GLRA1: variants seen among roughly 807,000 people sequenced by gnomAD.
GLRA1 encodes glycine receptor alpha 1, also known as glycine receptor subunit alpha-1.
GLRA1 carries 37 observed loss-of-function variants against 48.3 expected under a neutral mutation model. The observed-to-expected ratio is 0.77, with a 90% CI of 0.59 to 1.01. GLRA1 has a LOEUF of 1.01. Ranked by LOEUF, GLRA1 falls within the 50% of genes least tolerant of loss-of-function variation. GLRA1 has a pLI of 0.00. For synonymous variants in GLRA1, 196 were observed against 210.7 expected, an observed-to-expected ratio of 0.93 and a Z score of 0.60; for missense variants, 427 against 571.0, an observed-to-expected ratio of 0.75 and a Z score of 2.57.
At chr5:151,868,024 G>T (rs528329481) in intron 3 of GLRA1, among the ~76,000 whole-genome samples, 1 of 152,166 alleles carries the variant, frequency 6.6e-6, no homozygotes, top group South Asian at 2.1e-4. Context: ...CAATCCAGTT[G>T]GGAGGTAATA....
intron 3 of GLRA1, among the ~76,000 whole-genome samples, chr5:151,869,786 G>A (rs925451778): frequency 6.7e-6 from 1 of 149,576 alleles, no homozygotes; most frequent in Non-Finnish European, 1.5e-5. Context: ...TAGCATACTG[G>A]GCATTATTAT....
intron 7 of GLRA1, among the ~76,000 whole-genome samples, chr5:151,846,111 G>A (rs1329243411): frequency 1.3e-5 from 2 of 152,174 alleles, no homozygotes; most frequent in African/African-American, 4.8e-5. Context: ...CTTTCTGGGT[G>A]ATGAAAATGT....
Position 151,886,050 on chromosome 5 carries a change from T to C in GLRA1, c.252+671A>G, listed in dbSNP as rs533764020. On this transcript the variant is annotated intron_variant, in intron 3 of 8. Transcript: ENST00000274576. Reference sequence around the variant, plus strand: ...GATCACTTCCTTAACATAAGTACAATTGATTTTTCTGTTGAAAAAACAAAA... The same window carrying C: ...GATCACTTCCTTAACATAAGTACAACTGATTTTTCTGTTGAAAAAACAAAA... Among the ~76,000 whole-genome samples the C allele has an allele frequency of 3.0e-4, 45 of 152,288 alleles. No individual in the cohort carries two copies. The East Asian group carries it at 4.2e-3, about 14-fold the overall frequency.
At chr5:151,844,362 C>T (rs1476636105) in intron 7 of GLRA1, among the ~76,000 whole-genome samples, 1 of 152,042 alleles carries the variant, frequency 6.6e-6, no homozygotes, top group African/African-American at 2.4e-5. Context: ...TGGCTCACGC[C>T]TGTAATCCCA....
chr5:151,900,243 G>A (rs1253286572), intron 1 of GLRA1, among the ~76,000 whole-genome samples: 10 of 152,124 alleles, frequency 6.6e-5, no homozygotes, highest in Admixed American at 6.5e-4. Flanking sequence ...AGGGACCAGA[G>A]AGTGAGCACC....
At chr5:151,866,122 G>A (rs1186815154) in intron 3 of GLRA1, among the ~76,000 whole-genome samples, 1 of 152,034 alleles carries the variant, frequency 6.6e-6, no homozygotes, top group Non-Finnish European at 1.5e-5. Flanking sequence ...AACTCTCAAG[G>A]GTAGCCCACA....
chr5:151,865,480 A>C (rs1227049243), intron 3 of GLRA1, among the ~76,000 whole-genome samples: 2 of 152,180 alleles, frequency 1.3e-5, no homozygotes, highest in Non-Finnish European at 2.9e-5. Flanking sequence ...TGAATAGAGG[A>C]GTGGGAGGAC....
chr5:151,864,964 C>T (rs1181668717), intron 3 of GLRA1, among the ~76,000 whole-genome samples: 1 of 152,090 alleles, frequency 6.6e-6, no homozygotes, highest in African/African-American at 2.4e-5. Flanking sequence ...AAGGTATTTC[C>T]TAAGATCACA....
chr5:151,849,217 TCTTCCTTCCTTCCTTC>T lies in GLRA1; in HGVS notation c.912+2157_912+2172del, dbSNP rs1292723314. Among the ~76,000 whole-genome samples, 2 of 62,930 alleles carry T rather than the reference TCTTCCTTCCTTCCTTC, an allele frequency of 3.2e-5. 1 individual carries two copies. The highest frequency in any genetic ancestry group is 6.5e-5 in the Non-Finnish European group (2 of 30,772). 41.3% of individuals were successfully genotyped at this position (62,930 alleles called of 152,430 possible). ...CTTTCTTTTCTTTCTTTCCTTCCTT[TCTTCCTTCCTTCCTTC>T]CTTCCTTCCTTCCTTCCCTTCTTTC... On this transcript the variant is annotated intron_variant, in intron 7 of 8. Transcript: ENST00000274576.
intron 2 of GLRA1, among the ~76,000 whole-genome samples, chr5:151,891,809 C>G (rs955110414): frequency 1.3e-5 from 2 of 152,136 alleles, no homozygotes; most frequent in East Asian, 3.9e-4. Context: ...TGGGGAGGAG[C>G]AGGGTGGGCT....
At chr5:151,901,688 G>C (rs1754371641) in intron 1 of GLRA1, among the ~76,000 whole-genome samples, 1 of 152,190 alleles carries the variant, frequency 6.6e-6, no homozygotes, top group Non-Finnish European at 1.5e-5. Flanking sequence ...GTTTGCAAAG[G>C]CCTGGGAGTA....
intron 8 of GLRA1, among the ~76,000 whole-genome samples, chr5:151,825,384 G>C (rs1293436981): frequency 1.3e-5 from 2 of 152,214 alleles, no homozygotes; most frequent in African/African-American, 4.8e-5. Flanking sequence ...TGCTTTGGGT[G>C]AATTATTCTT....
At chr5:151,859,451 T>C (rs1398582929) in intron 4 of GLRA1, among the ~76,000 whole-genome samples, 1 of 152,222 alleles carries the variant, frequency 6.6e-6, no homozygotes, top group Non-Finnish European at 1.5e-5. Flanking sequence ...CTTTATGCCT[T>C]AGTTCCTGCT....
chr5:151,852,730 A>G (rs543699733), intron 6 of GLRA1, among the ~76,000 whole-genome samples: 1 of 152,356 alleles, frequency 6.6e-6, no homozygotes, highest in Non-Finnish European at 1.5e-5. Flanking sequence ...GTGTACATTT[A>G]GGTTGTTTCC....
intron 3 of GLRA1, among the ~76,000 whole-genome samples, chr5:151,880,259 A>G (rs1053281957): frequency 9.9e-5 from 15 of 152,260 alleles, no homozygotes; most frequent in African/African-American, 3.6e-4. Context: ...TTTACCAAAG[A>G]CTTGCATACC....
At chr5:151,857,991 G>A (rs1753093313) in intron 4 of GLRA1, among the ~76,000 whole-genome samples, 1 of 152,198 alleles carries the variant, frequency 6.6e-6, no homozygotes, top group Non-Finnish European at 1.5e-5. Context: ...ATGTGTCCTG[G>A]CCTTTGGATT....
At chr5:151,910,541 TCCA>T (rs1314565239) in intron 1 of GLRA1, among the ~76,000 whole-genome samples, 9 of 152,200 alleles carry the variant, frequency 5.9e-5, no homozygotes, top group Non-Finnish European at 1.3e-4. Context: ...CCCTTCTCTC[TCCA>T]CTCCTCGTAA....
chr5:151,908,509 C>T (rs1754530210), intron 1 of GLRA1, among the ~76,000 whole-genome samples: 1 of 152,106 alleles, frequency 6.6e-6, no homozygotes, highest in Non-Finnish European at 1.5e-5. Context: ...ACAGTGTACT[C>T]ATTCATTTTA....
chr5:151,868,289 G>A (rs988188491), intron 3 of GLRA1, among the ~76,000 whole-genome samples: 1 of 152,194 alleles, frequency 6.6e-6, no homozygotes, highest in Non-Finnish European at 1.5e-5. Flanking sequence ...TCAAGTTCCT[G>A]CTGCTAGTTA....
Sources: gnomAD v4.1 joint callset for allele counts (sites outside exome capture counted in the v4.1 genomes callset) on GRCh38, gnomAD v4.1.1 for gene constraint, MANE v1.5 for transcripts, NCBI Gene and HGNC (gene_info 2026-07-23, HGNC 2026-07-21) for gene names.